ZNF540: variants seen among roughly 807,000 people sequenced by gnomAD.
ZNF540 encodes zinc finger protein 540.
Under a neutral mutation model 11.8 loss-of-function variants are expected in ZNF540, and 3 were observed. That is an observed-to-expected ratio of 0.25 (90% CI 0.12 to 0.65). The LOEUF (loss-of-function observed/expected upper bound fraction) is 0.65, where lower values mean the gene tolerates loss of function less well. Among genes scored for constraint, ZNF540 ranks in the 30% least tolerant of loss-of-function variants. The pLI, the probability that ZNF540 is intolerant of heterozygous loss-of-function variation, is 0.83. For missense variants in ZNF540, 709 were observed against 793.1 expected, an observed-to-expected ratio of 0.89 and a Z score of 1.27; for synonymous variants, 247 against 259.0, an observed-to-expected ratio of 0.95 and a Z score of 0.45.
chr19:37,592,775 G>A (rs138287064), upstream of ZNF540, among the ~76,000 whole-genome samples: 2 of 152,226 alleles, frequency 1.3e-5, no homozygotes, highest in African/African-American at 4.8e-5. Flanking sequence ...GAAATATGAA[G>A]GAACGGAAAA....
intron 1 of ZNF540, among the ~76,000 whole-genome samples, chr19:37,562,178 T>A (rs2042724132): frequency 6.6e-6 from 1 of 151,748 alleles, no homozygotes; most frequent in African/African-American, 2.4e-5. Flanking sequence ...AGGTCAGGAG[T>A]TTGAGAGCAG....
At chr19:37,591,037 CTG>C (rs1249179528), upstream of ZNF540, among the ~76,000 whole-genome samples, 1 of 152,124 alleles carries the variant, frequency 6.6e-6, no homozygotes, top group Non-Finnish European at 1.5e-5. Flanking sequence ...AGAAAATACT[CTG>C]TAATTTGTCT....
Position 37,611,701 on chromosome 19 carries a change from CA to C in ZNF540, c.425del (p.Lys142ArgfsTer19), listed in dbSNP as rs1568369205. The C allele has an allele frequency of 6.2e-7, 1 of 1,613,582 alleles. No individual in the cohort carries two copies. Among genetic ancestry groups the C allele is most frequent in the Admixed American group, 1.7e-5 (1 of 59,968 alleles). The part of the protein sequence containing the change: ...QQGLKERSIS[Q>X]KKIVSKKMST... ...GGGACTTAAAGAAAGATCTATCAGT[CA>C]AAAGAAAATCGTCTCTAAAAAAATG... On this transcript the variant is annotated frameshift_variant, in exon 5 of 5. Coordinates refer to ENST00000316433, the MANE Select transcript of ZNF540 (RefSeq NM_001172225.3). LOFTEE classifies it low-confidence loss of function (END_TRUNC).
chr19:37,573,280 C>T (rs1028614500), intron 1 of ZNF540, among the ~76,000 whole-genome samples: 1 of 152,066 alleles, frequency 6.6e-6, no homozygotes, highest in African/African-American at 2.4e-5. Flanking sequence ...ATACTGGATT[C>T]CTATTATTAA....
chr19:37,594,125 G>A (rs1428978360), upstream of ZNF540: 1 of 152,250 alleles, frequency 6.6e-6, no homozygotes, highest in African/African-American at 2.4e-5. Context: ...GGGCTGTCAA[G>A]CTAGAATAGG....
At chr19:37,553,174 C>A (rs1023011462) in intron 1 of ZNF540, among the ~76,000 whole-genome samples, 11 of 102,994 alleles carry the variant, frequency 1.1e-4, no homozygotes, top group Non-Finnish European at 1.8e-4. Context: ...GCCTTTGTCA[C>A]CTAGGCTGGA....
upstream of ZNF540, among the ~76,000 whole-genome samples, chr19:37,591,281 G>A (rs1463517529): frequency 6.6e-6 from 1 of 152,172 alleles, no homozygotes; most frequent in Non-Finnish European, 1.5e-5. Context: ...GGGATCATTT[G>A]TTCTGCCAGA....
At chr19:37,594,431 C>T (rs2291001), upstream of ZNF540, 39,804 of 152,252 alleles carry the variant, frequency 0.26, 6,366 homozygotes, top group Non-Finnish European at 0.37. Context: ...TTCTAGCCTC[C>T]CTATCCCAAA....
chr19:37,587,857 G>A (rs886467875), intron 1 of ZNF540, among the ~76,000 whole-genome samples: 3 of 151,966 alleles, frequency 2.0e-5, no homozygotes, highest in Middle Eastern at 3.4e-3. Context: ...AGTGGCTCAC[G>A]CCTGTAGTCC....
intron 1 of ZNF540, among the ~76,000 whole-genome samples, chr19:37,568,646 A>G (rs1422894597): frequency 6.6e-6 from 1 of 152,206 alleles, no homozygotes; most frequent in Non-Finnish European, 1.5e-5. Flanking sequence ...GAATATAGAA[A>G]AAGTTAAGAT....
chr19:37,568,966 T>C (rs1473178643), intron 1 of ZNF540, among the ~76,000 whole-genome samples: 1 of 152,062 alleles, frequency 6.6e-6, no homozygotes, highest in Non-Finnish European at 1.5e-5. Flanking sequence ...AGGCATCTTT[T>C]TTTTTTTTGA....
chr19:37,592,650 G>A (rs1012349616), upstream of ZNF540, among the ~76,000 whole-genome samples: 1 of 152,120 alleles, frequency 6.6e-6, no homozygotes, highest in Non-Finnish European at 1.5e-5. Flanking sequence ...AGACTGTAAG[G>A]GCCTCATGAT....
In ZNF540 at chr19:37,612,209, T is replaced by A; in HGVS notation, c.929T>A (p.Leu310His). The change falls in exon 5 of 5, where the codon CTT (leucine) becomes CAT (histidine). Residue 310 changes from leucine to histidine, a missense_variant. Leu to His is a moderately conservative substitution (Grantham distance 99, BLOSUM62 -3). Coordinates refer to ENST00000316433, the MANE Select transcript of ZNF540 (RefSeq NM_001172225.3). ...AAAGAATGTGGAAAAGTTTTTCAAC[T>A]TATTTTCTACTTTAAAGAACATGAG... ...ECKECGKVFQ[L>H]IFYFKEHERI... 6.2e-7 allele frequency: 1 copy of A among 1,612,602 alleles called. No homozygotes were observed. Among genetic ancestry groups the A allele is most frequent in the Non-Finnish European group, 8.5e-7 (1 of 1,179,748 alleles).
At chr19:37,598,843 G>T (rs533068121) in intron 2 of ZNF540, among the ~76,000 whole-genome samples, 2 of 152,260 alleles carry the variant, frequency 1.3e-5, no homozygotes, top group Non-Finnish European at 2.9e-5. Context: ...CTCAGTTTCA[G>T]TATGTGGTTG....
At chr19:37,588,589 C>A (rs1199369147) in intron 1 of ZNF540, among the ~76,000 whole-genome samples, 1 of 152,170 alleles carries the variant, frequency 6.6e-6, no homozygotes, top group East Asian at 1.9e-4. Context: ...AAGGAGCAAA[C>A]CTACCTACCT....
At chr19:37,565,512 G>T (rs367711121) in intron 1 of ZNF540, 3 of 1,613,622 alleles carry the variant, frequency 1.9e-6, no homozygotes, top group Non-Finnish European at 2.5e-6. Context: ...CACTCATAAG[G>T]TTTCTCACCA....
intron 1 of ZNF540, among the ~76,000 whole-genome samples, chr19:37,553,833 T>C (rs1044560598): frequency 2.0e-5 from 3 of 152,216 alleles, no homozygotes; most frequent in African/African-American, 4.8e-5. Flanking sequence ...TACTACATTA[T>C]TGATTTTGCA....
chr19:37,598,354 A>AT (rs1228073847), intron 1 of ZNF540, 22 bp from the exon 2 acceptor site: 3 of 1,338,202 alleles, frequency 2.2e-6, no homozygotes, highest in East Asian at 2.3e-5. Context: ...TCACTGTCTC[A>AT]TTTTTTTCTC....
intron 1 of ZNF540, chr19:37,564,242 C>T (rs2042769752): frequency 6.1e-6 from 1 of 164,150 alleles, no homozygotes; most frequent in Non-Finnish European, 1.3e-5. Flanking sequence ...ATTTTAACAA[C>T]AAATATCAGA....
Sources: allele counts gnomAD v4.1 joint callset (sites outside exome capture counted in the v4.1 genomes callset), GRCh38; gene constraint gnomAD v4.1.1; transcripts MANE v1.5; gene names NCBI Gene and HGNC (gene_info 2026-07-23, HGNC 2026-07-21).